The following ANKRD30A variants were observed in gnomAD, a reference collection of about 807,000 sequenced individuals.
ANKRD30A encodes the protein ankyrin repeat domain-containing protein 30A.
Under a neutral mutation model 166.3 loss-of-function variants are expected in ANKRD30A, and 170 were observed. That is an observed-to-expected ratio of 1.02 (90% CI 0.90 to 1.16). The LOEUF (loss-of-function observed/expected upper bound fraction) is 1.16, where lower values mean the gene tolerates loss of function less well. ANKRD30A is among the 50% of genes most tolerant of loss of function. ANKRD30A has a pLI of 0.00. For synonymous variants in ANKRD30A, 564 were observed against 508.9 expected (o/e 1.11, Z -1.46); for missense variants, 1,630 against 1,518.0 (o/e 1.07, Z -1.23).
the ANKRD30A span, among the ~76,000 whole-genome samples, chr10:37,243,922 G>GT: frequency 6.6e-6 from 1 of 152,064 alleles, no homozygotes. Context: ...ATTGCAGATT[G>GT]TAAGGAGCAC....
At chr10:37,243,796 T>C in the ANKRD30A span, among the ~76,000 whole-genome samples, 38 of 152,114 alleles carry the variant, frequency 2.5e-4, no homozygotes, top group African/African-American at 8.7e-4. Context: ...GTGCTTTATA[T>C]ATATTTTTTA....
At chr10:37,133,817 T>TA (rs2132513661) in intron 4 of ANKRD30A, 99 bp from the exon 5 acceptor site, 1 of 1,391,404 alleles carries the variant, frequency 7.2e-7, no homozygotes, top group Non-Finnish European at 9.9e-7. Context: ...TCAAGATACT[T>TA]ATGTTTGTTG....
At chr10:37,229,254 T>A (rs1307909994) in intron 34 of ANKRD30A, among the ~76,000 whole-genome samples, 1 of 151,992 alleles carries the variant, frequency 6.6e-6, no homozygotes, top group Non-Finnish European at 1.5e-5. Context: ...TACCCCCTTC[T>A]CCTGTTTTGA....
chr10:37,226,567 A>C (rs998574013), intron 34 of ANKRD30A, among the ~76,000 whole-genome samples: 2 of 151,872 alleles, frequency 1.3e-5, no homozygotes, highest in Non-Finnish European at 2.9e-5. Flanking sequence ...GTCTAGATAC[A>C]TCAAACATTT....
intron 13 of ANKRD30A, 138 bp from the exon 14 acceptor site, chr10:37,158,254 C>T (rs1838534253): frequency 1.4e-6 from 2 of 1,382,602 alleles, no homozygotes; most frequent in Admixed American, 4.8e-5. Flanking sequence ...TACAATAACC[C>T]AAAAGACCCC....
intron 15 of ANKRD30A, among the ~76,000 whole-genome samples, chr10:37,161,815 C>T (rs771145127): frequency 6.6e-6 from 1 of 152,066 alleles, no homozygotes; most frequent in Non-Finnish European, 1.5e-5. Flanking sequence ...GGTAAAATTG[C>T]CATTCCACAA....
chr10:37,145,355 T>A (rs1342399075), intron 8 of ANKRD30A, among the ~76,000 whole-genome samples: 2 of 152,098 alleles, frequency 1.3e-5, no homozygotes, highest in Non-Finnish European at 2.9e-5. Context: ...CATACCCCTG[T>A]AATCCCAGCT....
intron 31 of ANKRD30A, among the ~76,000 whole-genome samples, chr10:37,212,465 A>G (rs1454720960): frequency 1.3e-5 from 2 of 152,096 alleles, no homozygotes; most frequent in Non-Finnish European, 2.9e-5. Context: ...TATCGATTCA[A>G]TGCCATCCCC....
chr10:37,216,953 A>C (rs1842635188), intron 32 of ANKRD30A, among the ~76,000 whole-genome samples: 1 of 151,090 alleles, frequency 6.6e-6, no homozygotes, highest in Non-Finnish European at 1.5e-5. Context: ...TGGAATATAA[A>C]GAAAATGTAT....
At position 37,129,951 on chromosome 10, in the gene ANKRD30A, G is replaced by C; in HGVS notation, c.280G>C (p.Asp94His). 1 of 1,579,554 alleles carries C rather than the reference G, an allele frequency of 6.3e-7. No individual in the cohort carries two copies. The highest frequency in any genetic ancestry group is 8.6e-7 in the Non-Finnish European group (1 of 1,160,694). ...TGAGGAAGTAGTAACATTTCTGGTA[G>C]ACAGAAAGTGCCAGCTTGACGTCCT... ...GHEEVVTFLVDRKCQLDVLDG... is the reference protein window; with the variant it reads ...GHEEVVTFLVHRKCQLDVLDG... Residue 94 changes from aspartate to histidine, a missense_variant, in exon 2 of 36, where the codon GAC becomes CAC. By Grantham distance (81) the Asp-to-His change is moderately conservative. This residue lies in a region of ANKRD30A where 904 missense variants were observed against 818.5 expected (regional missense o/e 1.10). Coordinates refer to ENST00000361713, the MANE Select transcript of ANKRD30A (RefSeq NM_052997.3).
At chr10:37,257,410 CTGTTCTT>C in the ANKRD30A span, among the ~76,000 whole-genome samples, 2 of 150,430 alleles carry the variant, frequency 1.3e-5, no homozygotes, top group East Asian at 1.9e-4. Flanking sequence ...CAGTTCTACT[CTGTTCTT>C]TGTTGTTTCT....
At position 37,219,372 on chromosome 10, in the gene ANKRD30A, A is replaced by T; in HGVS notation, c.3660A>T (p.Glu1220Asp). Residue 1220 changes from glutamate (E) to aspartate (D), a missense_variant, in exon 34 of 36, where the codon GAA (glutamate) becomes GAT (aspartate). Coordinates refer to ENST00000361713, the MANE Select transcript of ANKRD30A (RefSeq NM_052997.3). ...TTGTGACATCAAGAAAAAGTCAAGA[A>T]CCTGCTTTCCACATTGCAGGAGATG... Reference protein sequence around the residue: ...DQIVTSRKSQEPAFHIAGDAC... With the variant: ...DQIVTSRKSQDPAFHIAGDAC... 4 of 1,610,526 alleles carry T rather than the reference A, an allele frequency of 2.5e-6. No individual in the cohort carries two copies. Among genetic ancestry groups the T allele is most frequent in the Non-Finnish European group, 2.5e-6 (3 of 1,177,702 alleles).
At position 37,165,979 on chromosome 10, in the gene ANKRD30A, A is replaced by T. The variant is rs571944866; in HGVS notation, c.2065-626A>T. 1.4e-3 allele frequency among the ~76,000 whole-genome samples: 213 copies of T among 152,236 alleles called. 1 individual carries two copies. Among genetic ancestry groups the T allele is most frequent in the African/African-American group, 5.0e-3 (208 of 41,524 alleles). ...TTAATACTTGTTTTCTTTCATTTAG[A>T]TGTGACATAACTTTTTTCTTACTGC... is the stretch of plus-strand genomic sequence containing the variant. On this transcript the variant is annotated intron_variant, in intron 18 of 35. Coordinates refer to ENST00000361713, the MANE Select transcript of ANKRD30A (RefSeq NM_052997.3).
intron 27 of ANKRD30A, 84 bp from the exon 28 acceptor site, chr10:37,197,197 C>T: frequency 6.4e-7 from 1 of 1,558,098 alleles, no homozygotes; most frequent in Non-Finnish European, 8.8e-7. Context: ...CAAGAGGAGT[C>T]AGTTAGATAC....
rs769759631 is a variant in ANKRD30A, at chr10:37,141,948, G to A, written c.1051G>A (p.Glu351Lys). The stretch of plus-strand genomic sequence containing the variant: ...GGAGAAAGCGACATCTGGAAAGTTC[G>A]AACAGTCAGCAGAAGAAACACCTAG... The part of the protein sequence containing the change: ...CLEKATSGKF[E>K]QSAEETPREI... The change falls in exon 7 of 36, where the codon GAA becomes AAA. Residue 351 changes from glutamate (E) to lysine (K), a missense_variant. By Grantham distance (56) the Glu-to-Lys change is moderately conservative (BLOSUM62 1). Around this residue, in one of 4 missense-constraint regions of ANKRD30A, gnomAD observed 904 missense variants for 818.5 expected, o/e 1.10. Coordinates refer to ENST00000361713, the MANE Select transcript of ANKRD30A (RefSeq NM_052997.3). 1.4e-5 allele frequency: 23 copies of A among 1,614,054 alleles called. No individual in the cohort carries two copies. Among genetic ancestry groups the A allele is most frequent in the South Asian group, 3.3e-5 (3 of 91,086 alleles).
At chr10:37,219,933 C>T in intron 34 of ANKRD30A, 36 bp downstream of exon 34, 2 of 1,371,932 alleles carry the variant, frequency 1.5e-6, no homozygotes, top group Non-Finnish European at 1.9e-6. Context: ...TGTCAAACTT[C>T]CTGAAAGAAA....
In ANKRD30A at chr10:37,215,970, T is replaced by A. The variant is rs1292927287; in HGVS notation, c.2870-211T>A. Among the ~76,000 whole-genome samples the A allele has an allele frequency of 2.0e-5, 3 of 151,370 alleles. No individual in the cohort carries two copies. In the Admixed American group the frequency reaches 2.0e-4, roughly 10 times the overall value. On this transcript the variant is annotated intron_variant, in intron 31 of 35. Coordinates refer to ENST00000361713, the MANE Select transcript of ANKRD30A (RefSeq NM_052997.3). Reference sequence around the variant, plus strand: ...CTATCTGAATTTATAATTGTCACTTTTCTGGGGCTTTGCTTTTCAGTATAT... The same window carrying A: ...CTATCTGAATTTATAATTGTCACTTATCTGGGGCTTTGCTTTTCAGTATAT...
chr10:37,126,315 A>G (rs760484791), intron 1 of ANKRD30A, among the ~76,000 whole-genome samples: 13 of 152,204 alleles, frequency 8.5e-5, no homozygotes, highest in Admixed American at 2.0e-4. Context: ...TTTTAAAGTG[A>G]TTTAACTCAC....
the ANKRD30A span, among the ~76,000 whole-genome samples, chr10:37,250,404 G>A: frequency 6.6e-6 from 1 of 152,004 alleles, no homozygotes; most frequent in South Asian, 2.1e-4. Context: ...TGTGGCTATG[G>A]GAAGTGTTTT....
Sources: allele counts gnomAD v4.1 joint callset (sites outside exome capture counted in the v4.1 genomes callset), GRCh38; gene constraint gnomAD v4.1.1; regional missense constraint gnomAD v4.1.1; transcripts MANE v1.5; gene names NCBI Gene and HGNC (gene_info 2026-07-23, HGNC 2026-07-21).